DIAPH2: variants seen among roughly 807,000 people sequenced by gnomAD.
DIAPH2 encodes the protein protein diaphanous homolog 2.
In DIAPH2, 35 loss-of-function variants were observed where a neutral mutation model predicts 92.7. The observed-to-expected ratio is 0.38, with a 90% CI of 0.29 to 0.50. The LOEUF (loss-of-function observed/expected upper bound fraction) is 0.50, where lower values mean the gene tolerates loss of function less well. Among genes scored for constraint, DIAPH2 ranks in the 20% least tolerant of loss-of-function variants. The pLI is 0.94. For synonymous variants in DIAPH2, 301 were observed against 280.4 expected (o/e 1.07, Z -0.73); for missense variants, 701 against 819.5 (o/e 0.86, Z 1.77).
chrX:96,768,886 G>A (rs1569389251), intron 4 of DIAPH2, among the ~76,000 whole-genome samples: 1 of 111,576 alleles, frequency 9.0e-6, no homozygotes, highest in African/African-American at 3.3e-5. Flanking sequence ...GGTCATTTTA[G>A]GAGAGATATT....
chrX:97,498,011 A>G (rs1006527116), intron 26 of DIAPH2, among the ~76,000 whole-genome samples: 14 of 111,532 alleles, frequency 1.3e-4, no homozygotes, highest in African/African-American at 4.2e-4. Context: ...TGGCTCATCA[A>G]AACTAGAATG....
chrX:96,821,759 C>A (rs2064779572), intron 4 of DIAPH2, among the ~76,000 whole-genome samples: 1 of 111,584 alleles, frequency 9.0e-6, no homozygotes, highest in Non-Finnish European at 1.9e-5. Flanking sequence ...TATTATATAA[C>A]TTTTATGGCC....
intron 26 of DIAPH2, among the ~76,000 whole-genome samples, chrX:97,544,624 C>CATGTT (rs1384102364): frequency 2.7e-5 from 3 of 111,719 alleles, no homozygotes; most frequent in African/African-American, 9.8e-5. Flanking sequence ...GTCATTTTTA[C>CATGTT]TTACTAAAAG....
At chrX:97,584,977 C>G (rs908140966) in intron 26 of DIAPH2, among the ~76,000 whole-genome samples, 1 of 112,017 alleles carries the variant, frequency 8.9e-6, no homozygotes, top group Non-Finnish European at 1.9e-5. Flanking sequence ...AGCATTGCAC[C>G]CTGTGATGAC....
chrX:97,393,757 G>C (rs962701269), intron 25 of DIAPH2, among the ~76,000 whole-genome samples: 5 of 111,778 alleles, frequency 4.5e-5, no homozygotes, highest in Non-Finnish European at 9.4e-5. Flanking sequence ...AAATCTTAGA[G>C]GAAGCAATAG....
intron 4 of DIAPH2, among the ~76,000 whole-genome samples, chrX:96,762,428 A>C (rs1299864232): frequency 1.8e-5 from 2 of 111,331 alleles, no homozygotes; most frequent in African/African-American, 6.5e-5. Flanking sequence ...CTTATAATAG[A>C]AATGCTAGGA....
At chrX:96,860,358 G>A (rs1206864913) in intron 4 of DIAPH2, among the ~76,000 whole-genome samples, 1 of 111,333 alleles carries the variant, frequency 9.0e-6, no homozygotes, top group African/African-American at 3.3e-5. Context: ...ACGTATGAGT[G>A]GAAATAAAAT....
chrX:96,781,335 A>G (rs2064416381), intron 4 of DIAPH2, among the ~76,000 whole-genome samples: 2 of 111,342 alleles, frequency 1.8e-5, no homozygotes, highest in Admixed American at 1.9e-4. Context: ...CTGATGTTAG[A>G]GTTTGTATTG....
chrX:97,113,793 G>T (rs925457675), intron 20 of DIAPH2, among the ~76,000 whole-genome samples: 4 of 111,793 alleles, frequency 3.6e-5, no homozygotes, highest in Non-Finnish European at 5.6e-5. Context: ...ATTTAAGGAA[G>T]TAGGCTATAT....
At chrX:96,710,556 A>G (rs1020713734) in intron 1 of DIAPH2, among the ~76,000 whole-genome samples, 6 of 111,088 alleles carry the variant, frequency 5.4e-5, no homozygotes, top group African/African-American at 2.0e-4. Flanking sequence ...AGAAATTTAC[A>G]TTTTTCTCTT....
intron 24 of DIAPH2, 128 bp downstream of exon 24, chrX:97,348,408 C>CAGAT: frequency 1.7e-6 from 1 of 597,023 alleles, no homozygotes; most frequent in Non-Finnish European, 2.5e-6. Flanking sequence ...TAAGAATTGA[C>CAGAT]AGATATTTTA....
intron 7 of DIAPH2, among the ~76,000 whole-genome samples, chrX:96,914,380 CTT>C (rs2065488941): frequency 9.0e-6 from 1 of 111,086 alleles, no homozygotes; most frequent in Non-Finnish European, 1.9e-5. Flanking sequence ...AGATAGATCT[CTT>C]TCGTCAATTG....
chrX:96,885,355 A>C, intron 5 of DIAPH2: 1 of 269,043 alleles, frequency 3.7e-6, no homozygotes, highest in Admixed American at 6.2e-5. Flanking sequence ...GGGGAAGAAA[A>C]ACTACAGAAA....
intron 26 of DIAPH2, among the ~76,000 whole-genome samples, chrX:97,473,804 A>G (rs1201588210): frequency 9.0e-6 from 1 of 111,180 alleles, no homozygotes; most frequent in Non-Finnish European, 1.9e-5. Context: ...TACTAAAAAT[A>G]CAAAAATTAG....
chrX:96,948,885 G>A (rs753582202), intron 14 of DIAPH2, 50 bp from the exon 15 acceptor site: 1 of 814,819 alleles, frequency 1.2e-6, no homozygotes, highest in South Asian at 3.4e-5. Context: ...GTTCTTTAAA[G>A]CGTTCTGAAA....
intron 3 of DIAPH2, among the ~76,000 whole-genome samples, chrX:96,751,575 C>CAAA (rs1460113460): frequency 7.2e-4 from 56 of 78,128 alleles, no homozygotes; most frequent in East Asian, 3.0e-3. Context: ...GACTCTGTCT[C>CAAA]AAAAAAAATA....
chrX:96,797,704 A>G (rs2064551433), intron 4 of DIAPH2, among the ~76,000 whole-genome samples: 1 of 111,673 alleles, frequency 9.0e-6, no homozygotes, highest in Admixed American at 9.5e-5. Flanking sequence ...TTCAATTTTT[A>G]AGTTAAAGGG....
chrX:97,139,674 C>T (rs920456793), intron 21 of DIAPH2, among the ~76,000 whole-genome samples: 19 of 110,997 alleles, frequency 1.7e-4, no homozygotes, highest in Non-Finnish European at 1.9e-5. Context: ...CTTTATTTAT[C>T]TTTTTAAAAT....
intron 23 of DIAPH2, among the ~76,000 whole-genome samples, chrX:97,306,048 G>GAAA (rs11442631): frequency 2.0e-5 from 2 of 98,599 alleles, no homozygotes; most frequent in Non-Finnish European, 2.0e-5. Context: ...AAAGTATAAA[G>GAAA]AAAAAAAAAA....
Sources: gnomAD v4.1 joint callset for allele counts (sites outside exome capture counted in the v4.1 genomes callset) on GRCh38, gnomAD v4.1.1 for gene constraint, MANE v1.5 for transcripts, NCBI Gene and HGNC (gene_info 2026-07-23, HGNC 2026-07-21) for gene names.